PTPN13: variants seen among roughly 807,000 people sequenced by gnomAD.
The protein encoded by PTPN13 is protein tyrosine phosphatase non-receptor type 13.
A neutral mutation model predicts 284.0 loss-of-function variants in PTPN13; 191 were observed. The ratio of observed to expected loss-of-function variants is 0.67; its 90% CI spans 0.60 to 0.76. The LOEUF is 0.76. Ranked by LOEUF, PTPN13 falls within the 30% of genes least tolerant of loss-of-function variation. The pLI is 0.00. For missense variants in PTPN13, 2,797 were observed against 2,939.9 expected (o/e 0.95, Z 1.12); for synonymous variants, 986 against 1,022.3 (o/e 0.96, Z 0.68).
intron 17 of PTPN13, among the ~76,000 whole-genome samples, chr4:86,746,756 C>A (rs1215305953): frequency 6.6e-6 from 1 of 152,110 alleles, no homozygotes; most frequent in South Asian, 2.1e-4. Context: ...CCTCAGCCTC[C>A]AGACTAGGGG....
intron 1 of PTPN13, among the ~76,000 whole-genome samples, chr4:86,619,906 G>C (rs1721023957): frequency 6.6e-6 from 1 of 151,888 alleles, no homozygotes; most frequent in Non-Finnish European, 1.5e-5. Flanking sequence ...TTGCTGCACA[G>C]GCAGGCCACA....
In PTPN13 at chr4:86,722,242, CTTAA is replaced by C; in HGVS notation, c.1422_1425del (p.Asn475LysfsTer5). On this transcript the variant is annotated frameshift_variant, in exon 10 of 48. Transcript: ENST00000411767. LOFTEE classifies it high-confidence loss of function. ...AATATGAAACACCCTTTGAAGGCAA[CTTAA>C]TTAATCAAGAGATCATGCTAAAACG... is the stretch of plus-strand genomic sequence containing the variant. The C allele has an allele frequency of 1.2e-6, 2 of 1,613,692 alleles. No homozygotes were observed. The highest frequency in any genetic ancestry group is 1.7e-6 in the Non-Finnish European group (2 of 1,179,752).
At chr4:86,734,660 C>T in intron 13 of PTPN13, 77 bp from the exon 14 acceptor site, 1 of 1,478,818 alleles carries the variant, frequency 6.8e-7, no homozygotes, top group Non-Finnish European at 9.1e-7. Flanking sequence ...GGAAATTAAC[C>T]TTACATGCCT....
intron 17 of PTPN13, among the ~76,000 whole-genome samples, chr4:86,747,641 G>A (rs1736935019): frequency 6.6e-6 from 1 of 152,156 alleles, no homozygotes; most frequent in South Asian, 2.1e-4. Flanking sequence ...TAGAATCTCA[G>A]TTTCTTCATC....
chr4:86,606,568 C>T (rs1361722392), intron 1 of PTPN13, among the ~76,000 whole-genome samples: 1 of 151,852 alleles, frequency 6.6e-6, no homozygotes, highest in South Asian at 2.1e-4. Flanking sequence ...TAGCATTATA[C>T]TTGGCAGGTA....
intron 7 of PTPN13, among the ~76,000 whole-genome samples, chr4:86,710,478 A>G (rs1463590360): frequency 6.6e-6 from 1 of 152,222 alleles, no homozygotes; most frequent in Non-Finnish European, 1.5e-5. Context: ...GTAGACTTTA[A>G]TGTTTCATTT....
intron 35 of PTPN13, among the ~76,000 whole-genome samples, chr4:86,776,611 A>G (rs887977171): frequency 1.3e-5 from 2 of 152,236 alleles, no homozygotes; most frequent in Non-Finnish European, 1.5e-5. Context: ...TGAAAATATC[A>G]TAAGTCAAAA....
At position 86,734,355 on chromosome 4, in the gene PTPN13, A is replaced by G; in HGVS notation, c.1911A>G (p.Pro637=). 1 of 1,560,212 alleles carries G rather than the reference A, an allele frequency of 6.4e-7. No homozygotes were observed. Among genetic ancestry groups the G allele is most frequent in the Non-Finnish European group, 8.7e-7 (1 of 1,149,880 alleles). The change falls in exon 13 of 48, where the codon CCA becomes CCG. Residue 637 remains proline (P), a synonymous_variant. Coordinates refer to ENST00000411767, the MANE Select transcript of PTPN13 (RefSeq NM_080683.3). ...DPDLKLTKVA[P]EGWKEEPKKK... ...ACTTAAAATTAACCAAAGTGGCCCC[A>G]GAGGGATGGAAAGAAGAACCAAAGA...
chr4:86,754,907 A>C (rs1578582629), intron 20 of PTPN13, among the ~76,000 whole-genome samples: 1 of 152,058 alleles, frequency 6.6e-6, no homozygotes, highest in East Asian at 1.9e-4. Flanking sequence ...GCTTGCAAAC[A>C]AGGCTATATT....
At chr4:86,664,660 T>G (rs1578369503) in intron 2 of PTPN13, among the ~76,000 whole-genome samples, 1 of 152,312 alleles carries the variant, frequency 6.6e-6, no homozygotes, top group South Asian at 2.1e-4. Context: ...TTTCAGTATT[T>G]TGGCATGTAA....
At chr4:86,799,942 A>G (rs1743821617) in intron 42 of PTPN13, among the ~76,000 whole-genome samples, 1 of 149,564 alleles carries the variant, frequency 6.7e-6, no homozygotes, top group East Asian at 2.0e-4. Flanking sequence ...AATTCAAGCA[A>G]TTATTCTGCC....
chr4:86,781,081 TTAA>T (rs1242485149), intron 36 of PTPN13, among the ~76,000 whole-genome samples: 1 of 152,184 alleles, frequency 6.6e-6, no homozygotes, highest in African/African-American at 2.4e-5. Context: ...TCTTAGAAAT[TTAA>T]TAATATTTTT....
intron 28 of PTPN13, among the ~76,000 whole-genome samples, chr4:86,769,291 C>T (rs560809580): frequency 1.3e-5 from 2 of 152,066 alleles, no homozygotes; most frequent in East Asian, 3.9e-4. Flanking sequence ...ACCTGTCCTT[C>T]TGTGGAGTTT....
intron 6 of PTPN13, among the ~76,000 whole-genome samples, chr4:86,697,186 G>T (rs1459954240): frequency 1.3e-5 from 2 of 152,070 alleles, no homozygotes; most frequent in African/African-American, 4.8e-5. Flanking sequence ...GTCAATTGCA[G>T]CAAAGCAACC....
intron 20 of PTPN13, among the ~76,000 whole-genome samples, chr4:86,756,910 T>G (rs1429751832): frequency 2.6e-5 from 4 of 152,182 alleles, no homozygotes; most frequent in African/African-American, 9.6e-5. Context: ...AACCAAAACC[T>G]CTAATTTTCA....
rs187316542 is a variant in PTPN13, at chr4:86,657,640, G to A, written c.116-14725G>A. ...TTCACCAGTACTGGTAGCCACTACC[G>A]CCTAGCTGCTGCTGATGTTTATTCA... is the stretch of plus-strand genomic sequence containing the variant. On this transcript the variant is annotated intron_variant, in intron 2 of 47. Coordinates refer to ENST00000411767, the MANE Select transcript of PTPN13 (RefSeq NM_080683.3). Among the ~76,000 whole-genome samples, 34 of 152,268 alleles carry A rather than the reference G, an allele frequency of 2.2e-4. No homozygotes were observed. The East Asian group carries it at 2.7e-3, about 12-fold the overall frequency.
At chr4:86,767,609 T>G (rs1249242422) in intron 27 of PTPN13, among the ~76,000 whole-genome samples, 1 of 152,140 alleles carries the variant, frequency 6.6e-6, no homozygotes, top group African/African-American at 2.4e-5. Context: ...TTTATCTTTC[T>G]ATACAGAAAT....
chr4:86,792,830 G>A (rs1386592659), intron 40 of PTPN13, among the ~76,000 whole-genome samples: 1 of 152,154 alleles, frequency 6.6e-6, no homozygotes, highest in African/African-American at 2.4e-5. Context: ...GTCACCACCA[G>A]GCCTGCCTAA....
intron 7 of PTPN13, among the ~76,000 whole-genome samples, chr4:86,711,708 T>C (rs973436460): frequency 1.3e-5 from 2 of 152,190 alleles, no homozygotes; most frequent in African/African-American, 4.8e-5. Context: ...CTTAGATATT[T>C]ACTAGCTGAG....
Sources: allele counts gnomAD v4.1 joint callset (sites outside exome capture counted in the v4.1 genomes callset), GRCh38; gene constraint gnomAD v4.1.1; transcripts MANE v1.5; gene names NCBI Gene and HGNC (gene_info 2026-07-23, HGNC 2026-07-21).